UBE2D2: variants seen among roughly 807,000 people sequenced by gnomAD.
UBE2D2 encodes ubiquitin-conjugating enzyme E2 D2.
In UBE2D2, 2 loss-of-function variants were observed where a neutral mutation model predicts 24.2. That is an observed-to-expected ratio of 0.08 (90% confidence interval 0.03 to 0.26). The LOEUF is 0.26. Ranked by LOEUF, UBE2D2 falls within the 10% of genes least tolerant of loss-of-function variation. UBE2D2 has a pLI of 1.00. For missense variants in UBE2D2, 44 were observed against 177.6 expected, an observed-to-expected ratio of 0.25 and a Z score of 4.28; for synonymous variants, 58 against 56.5, an observed-to-expected ratio of 1.03 and a Z score of -0.12.
At chr5:139,567,433 CT>C (rs34262724) in intron 1 of UBE2D2, among the ~76,000 whole-genome samples, 72 of 142,150 alleles carry the variant, frequency 5.1e-4, no homozygotes, top group South Asian at 1.1e-3. Context: ...AATTAACTTG[CT>C]TTTTTTTTTT....
intron 1 of UBE2D2, among the ~76,000 whole-genome samples, chr5:139,570,272 A>AAACAACAAC (rs561129243): frequency 2.0e-5 from 3 of 151,974 alleles, no homozygotes; most frequent in African/African-American, 7.2e-5. Flanking sequence ...TTCTGTGTCA[A>AAACAACAAC]AACAACAACA....
Position 139,548,193 on chromosome 5 carries a change from A to AAAAAAAAAAAAATAAAT in UBE2D2, c.-64+21584_-64+21585insAAAAAAAAATAAATAAA. 1.2e-3 allele frequency among the ~76,000 whole-genome samples: 58 copies of AAAAAAAAAAAAATAAAT among 47,064 alleles called. 2 individuals are homozygous for AAAAAAAAAAAAATAAAT. The highest frequency in any genetic ancestry group is 2.0e-3 in the South Asian group (3 of 1,514). 30.9% of individuals were successfully genotyped at this position (47,064 alleles called of 152,430 possible). A position where few individuals can be genotyped will look rare whatever the true frequency, so the allele number is the denominator to read the frequency against. On this transcript the variant is annotated intron_variant, in intron 1 of 6. Coordinates refer to the UBE2D2 transcript ENST00000511725. Reference sequence around the variant, plus strand: ...AAAAAAAAAAAAAAAATAAAAAAAAAAAATAAATAAATAAATAAATAAACG... The same window carrying AAAAAAAAAAAAATAAAT: ...AAAAAAAAAAAAAAAATAAAAAAAAAAAAAAAAAAAAATAAATAAATAAATAAATAAATAAATAAACG...
intron 1 of UBE2D2, among the ~76,000 whole-genome samples, chr5:139,527,094 G>A (rs762594206): frequency 6.6e-6 from 1 of 152,074 alleles, no homozygotes; most frequent in African/African-American, 2.4e-5. Flanking sequence ...GGGAGATTAC[G>A]GTGTTACTAT....
chr5:139,540,293 T>C (rs1465407537), intron 1 of UBE2D2, among the ~76,000 whole-genome samples: 1 of 152,162 alleles, frequency 6.6e-6, no homozygotes, highest in East Asian at 1.9e-4. Flanking sequence ...TGTACTATTT[T>C]TGCTAGTTCC....
intron 2 of UBE2D2, among the ~76,000 whole-genome samples, chr5:139,604,311 G>T (rs529841369): frequency 1.3e-5 from 2 of 151,554 alleles, no homozygotes; most frequent in Non-Finnish European, 2.9e-5. Context: ...GCTAATTTTC[G>T]TATTTTTGGT....
intron 1 of UBE2D2, among the ~76,000 whole-genome samples, chr5:139,536,256 T>C (rs1285054083): frequency 6.8e-6 from 1 of 146,036 alleles, no homozygotes; most frequent in East Asian, 2.0e-4. Flanking sequence ...TGTGCCACCA[T>C]GCCCAGCTAA....
chr5:139,561,761 C>T lies in UBE2D2; in HGVS notation c.-31C>T. ...CGTCCCTTCCCCGCCCCCGTCCCCGCCCCGGGGGCCGCCGCCACCCGCCTC... is the reference window on the plus strand; with the variant it reads ...CGTCCCTTCCCCGCCCCCGTCCCCGTCCCGGGGGCCGCCGCCACCCGCCTC... On this transcript the variant is annotated 5_prime_UTR_variant, in exon 1 of 7. Transcript: ENST00000398733. The T allele has an allele frequency of 1.3e-6, 2 of 1,489,840 alleles. No homozygotes were observed. Among genetic ancestry groups the T allele is most frequent in the Non-Finnish European group, 8.9e-7 (1 of 1,126,870 alleles). 92.3% of individuals were successfully genotyped at this position (1,489,840 alleles called of 1,614,324 possible). A position where few individuals can be genotyped will look rare whatever the true frequency, so the allele number is the denominator to read the frequency against.
intron 1 of UBE2D2, among the ~76,000 whole-genome samples, chr5:139,588,500 A>T (rs1753781072): frequency 6.6e-6 from 1 of 151,968 alleles, no homozygotes; most frequent in Admixed American, 6.6e-5. Context: ...GGCCTTGTTT[A>T]GCTTTACTTT....
At chr5:139,612,941 C>T (rs993412660) in intron 2 of UBE2D2, among the ~76,000 whole-genome samples, 2 of 152,138 alleles carry the variant, frequency 1.3e-5, no homozygotes, top group Non-Finnish European at 2.9e-5. Context: ...TGTCTTTAAA[C>T]AACATACAAG....
chr5:139,601,153 A>G (rs1310923521), intron 2 of UBE2D2, among the ~76,000 whole-genome samples: 5 of 152,296 alleles, frequency 3.3e-5, no homozygotes, highest in Non-Finnish European at 5.9e-5. Flanking sequence ...AATTTTGTCT[A>G]AAAAGATGAT....
chr5:139,563,661 G>A (rs1233106865), intron 1 of UBE2D2, among the ~76,000 whole-genome samples: 1 of 152,128 alleles, frequency 6.6e-6, no homozygotes, highest in East Asian at 1.9e-4. Flanking sequence ...TGCCGGGCGC[G>A]GTGGCTCACG....
At chr5:139,600,311 T>C (rs182758453) in intron 1 of UBE2D2, 61 bp from the exon 2 acceptor site, 1 of 1,549,348 alleles carries the variant, frequency 6.5e-7, no homozygotes, top group African/African-American at 1.4e-5. Context: ...ATATAAACTT[T>C]AGTAATGGAT....
rs545577552 is a variant in UBE2D2 at position 139,608,602 on chromosome 5, AAAG to A, written c.89-5974_89-5972del. 2.6e-3 allele frequency among the ~76,000 whole-genome samples: 396 copies of A among 152,072 alleles called. 2 individuals are homozygous for A. Among genetic ancestry groups the A allele is most frequent in the African/African-American group, 8.0e-3 (330 of 41,494 alleles). On this transcript the variant is annotated intron_variant, in intron 2 of 6. Coordinates refer to ENST00000398733, the MANE Select transcript of UBE2D2 (RefSeq NM_003339.3). ...AGACCCCGTCTCTATTTTAAAAAAA[AAAG>A]AAGAAGAAGGGTATTCTTTCCATAA...
chr5:139,598,706 G>A (rs960793409), intron 1 of UBE2D2, among the ~76,000 whole-genome samples: 4 of 150,066 alleles, frequency 2.7e-5, no homozygotes, highest in East Asian at 2.0e-4. Context: ...GATTACAGGC[G>A]TGTGCCACCA....
chr5:139,588,364 C>T (rs1753778594), intron 1 of UBE2D2, among the ~76,000 whole-genome samples: 1 of 152,002 alleles, frequency 6.6e-6, no homozygotes, highest in South Asian at 2.1e-4. Context: ...CAACCTCCGC[C>T]TCCCAGGTTC....
At chr5:139,602,035 G>A (rs1345180177) in intron 2 of UBE2D2, among the ~76,000 whole-genome samples, 1 of 152,032 alleles carries the variant, frequency 6.6e-6, no homozygotes, top group East Asian at 1.9e-4. Flanking sequence ...ATTAGCTTAT[G>A]TTTAATATTT....
intron 1 of UBE2D2, among the ~76,000 whole-genome samples, chr5:139,587,630 G>T (rs1232705503): frequency 2.2e-5 from 3 of 134,840 alleles, no homozygotes; most frequent in Non-Finnish European, 4.6e-5. Context: ...CCAAGGTCGC[G>T]CCACTGCACT....
At position 139,527,361 on chromosome 5, in the gene UBE2D2, G is replaced by GA. The variant is rs1224938980; in HGVS notation, c.-64+756dup. 3.9e-5 allele frequency among the ~76,000 whole-genome samples: 6 copies of GA among 152,002 alleles called. No individual in the cohort carries two copies. The East Asian group carries it at 7.7e-4, about 20-fold the overall frequency. ...AGAGGCAAGGAAAGACCAGCAGAGAGAAAAAAAGGCCATCTATACCAATTT... is the reference window on the plus strand; with the variant it reads ...AGAGGCAAGGAAAGACCAGCAGAGAGAAAAAAAAGGCCATCTATACCAATTT... On this transcript the variant is annotated intron_variant, in intron 1 of 6. Transcript: ENST00000511725.
At chr5:139,537,211 A>C (rs1195924700) in intron 1 of UBE2D2, among the ~76,000 whole-genome samples, 2 of 151,880 alleles carry the variant, frequency 1.3e-5, no homozygotes, top group Non-Finnish European at 2.9e-5. Context: ...ACAAAAAGTA[A>C]TATACCCTTA....
Sources: gnomAD v4.1 joint callset for allele counts (sites outside exome capture counted in the v4.1 genomes callset) on GRCh38, gnomAD v4.1.1 for gene constraint, MANE v1.5 for transcripts, NCBI Gene and HGNC (gene_info 2026-07-23, HGNC 2026-07-21) for gene names.